CTNNA3: variants seen among roughly 807,000 people sequenced by gnomAD.
CTNNA3 encodes the protein catenin alpha-3.
Under a neutral mutation model 95.7 loss-of-function variants are expected in CTNNA3, and 76 were observed. The ratio of observed to expected loss-of-function variants is 0.79; its 90% confidence interval spans 0.66 to 0.96. The LOEUF (loss-of-function observed/expected upper bound fraction) is 0.96. Among genes scored for constraint, CTNNA3 ranks in the 40% least tolerant of loss-of-function variants. The pLI is 0.00. For synonymous variants in CTNNA3, 431 were observed against 374.4 expected (o/e 1.15, Z -1.74); for missense variants, 1,191 against 1,089.8 (o/e 1.09, Z -1.31).
At chr10:67,722,874 A>C (rs926959234) in intron 1 of CTNNA3, among the ~76,000 whole-genome samples, 1 of 152,194 alleles carries the variant, frequency 6.6e-6, no homozygotes, top group Non-Finnish European at 1.5e-5. Flanking sequence ...TTGATGAAAT[A>C]GATTAAAATC....
chr10:67,319,033 C>G (rs557396497), intron 5 of CTNNA3, among the ~76,000 whole-genome samples: 4 of 152,182 alleles, frequency 2.6e-5, no homozygotes, highest in Non-Finnish European at 4.4e-5. Flanking sequence ...GTAGTTTATG[C>G]TGACCATCTG....
intron 7 of CTNNA3, among the ~76,000 whole-genome samples, chr10:66,816,129 A>C (rs1488962705): frequency 6.6e-6 from 1 of 152,232 alleles, no homozygotes; most frequent in African/African-American, 2.4e-5. Context: ...AATTTGAATT[A>C]AATTTCCATA....
At chr10:67,221,511 G>A (rs977527630) in intron 5 of CTNNA3, among the ~76,000 whole-genome samples, 1 of 152,180 alleles carries the variant, frequency 6.6e-6, no homozygotes, top group Non-Finnish European at 1.5e-5. Context: ...ACCCACGTCA[G>A]TATAACTTCC....
At chr10:67,532,041 T>C (rs1050996905) in intron 4 of CTNNA3, among the ~76,000 whole-genome samples, 2 of 152,092 alleles carry the variant, frequency 1.3e-5, no homozygotes, top group African/African-American at 2.4e-5. Flanking sequence ...GGAATCCACA[T>C]GGAATCCATG....
At chr10:66,793,214 C>T (rs1440618580) in intron 7 of CTNNA3, among the ~76,000 whole-genome samples, 1 of 152,126 alleles carries the variant, frequency 6.6e-6, no homozygotes, top group Admixed American at 6.6e-5. Context: ...GATCACAGCT[C>T]ACTGCAGCCT....
At chr10:66,760,506 A>C (rs189854053) in intron 9 of CTNNA3, among the ~76,000 whole-genome samples, 1 of 152,200 alleles carries the variant, frequency 6.6e-6, no homozygotes, top group Admixed American at 6.5e-5. Flanking sequence ...TTCAAGGTTC[A>C]GCTTATTGTT....
intron 7 of CTNNA3, among the ~76,000 whole-genome samples, chr10:66,997,648 T>G (rs1023139372): frequency 6.6e-6 from 1 of 152,190 alleles, no homozygotes. Context: ...GGACACCATC[T>G]CTCTGTTCTA....
At chr10:66,757,144 A>G (rs1230286273) in intron 9 of CTNNA3, among the ~76,000 whole-genome samples, 1 of 151,986 alleles carries the variant, frequency 6.6e-6, no homozygotes, top group Non-Finnish European at 1.5e-5. Flanking sequence ...CTGAGTGTAT[A>G]CTCATTATTT....
chr10:66,992,431 C>A (rs1851091639), intron 7 of CTNNA3, among the ~76,000 whole-genome samples: 1 of 152,024 alleles, frequency 6.6e-6, no homozygotes, highest in South Asian at 2.1e-4. Context: ...CTTTCTCCTT[C>A]TTCTTGTTCC....
intron 12 of CTNNA3, among the ~76,000 whole-genome samples, chr10:66,368,957 T>C (rs61867319): frequency 0.096 from 14,685 of 152,202 alleles, 932 homozygotes; most frequent in Middle Eastern, 0.18. Context: ...GTGTTTATAA[T>C]AAATGATACT....
chr10:65,922,772 C>G (rs895771904), intron 17 of CTNNA3, among the ~76,000 whole-genome samples: 4 of 152,080 alleles, frequency 2.6e-5, no homozygotes, highest in Middle Eastern at 3.2e-3. Flanking sequence ...TGTATTCGTT[C>G]ATTTACACAC....
chr10:67,063,383 T>C (rs1330142336), intron 7 of CTNNA3, among the ~76,000 whole-genome samples: 55 of 152,174 alleles, frequency 3.6e-4, no homozygotes, highest in Admixed American at 3.6e-3. Flanking sequence ...GATAAAAATA[T>C]ATGCCTTTAA....
intron 7 of CTNNA3, among the ~76,000 whole-genome samples, chr10:67,050,716 T>C (rs1855037264): frequency 6.6e-6 from 1 of 152,218 alleles, no homozygotes; most frequent in Admixed American, 6.5e-5. Context: ...TCCTCTCAGA[T>C]TGAAAGCAGA....
intron 5 of CTNNA3, among the ~76,000 whole-genome samples, chr10:67,341,593 CT>C (rs1285756413): frequency 1.3e-5 from 2 of 152,140 alleles, no homozygotes; most frequent in Non-Finnish European, 2.9e-5. Context: ...ATCCATTCAT[CT>C]GTTGATGGAC....
At chr10:66,162,742 G>C (rs550603398) in intron 13 of CTNNA3, among the ~76,000 whole-genome samples, 8 of 152,190 alleles carry the variant, frequency 5.3e-5, no homozygotes, top group Admixed American at 6.5e-5. Flanking sequence ...AGTATGGAGA[G>C]GGACTGACAG....
intron 11 of CTNNA3, among the ~76,000 whole-genome samples, chr10:66,441,508 A>G (rs1353063666): frequency 6.6e-6 from 1 of 152,226 alleles, no homozygotes; most frequent in Non-Finnish European, 1.5e-5. Flanking sequence ...TTTTTAAGCA[A>G]AAGTTCTAAA....
intron 7 of CTNNA3, among the ~76,000 whole-genome samples, chr10:66,958,477 A>AG (rs1848948571): frequency 6.6e-6 from 1 of 151,546 alleles, no homozygotes; most frequent in Non-Finnish European, 1.5e-5. Flanking sequence ...TTTTAAAAAA[A>AG]ATAGCATATA....
intron 7 of CTNNA3, among the ~76,000 whole-genome samples, chr10:66,950,234 AC>A (rs1356243766): frequency 6.6e-6 from 1 of 151,768 alleles, no homozygotes; most frequent in Non-Finnish European, 1.5e-5. Flanking sequence ...TCCCCATTCA[AC>A]TCTAATTGTA....
intron 1 of CTNNA3, among the ~76,000 whole-genome samples, chr10:67,759,762 C>A (rs1224903420): frequency 6.6e-6 from 1 of 152,164 alleles, no homozygotes; most frequent in Non-Finnish European, 1.5e-5. Flanking sequence ...GTGGAAACAG[C>A]CACACGGCAA....
Sources: allele counts gnomAD v4.1 joint callset (sites outside exome capture counted in the v4.1 genomes callset), GRCh38; gene constraint gnomAD v4.1.1; transcripts MANE v1.5; gene names NCBI Gene and HGNC (gene_info 2026-07-23, HGNC 2026-07-21).